The following RARS1 variants were observed in gnomAD, a reference collection of about 807,000 sequenced individuals.
RARS1 encodes the protein arginine--tRNA ligase, cytoplasmic.
Under a neutral mutation model 78.7 loss-of-function variants are expected in RARS1, and 75 were observed. The observed-to-expected ratio is 0.95, with a 90% CI of 0.79 to 1.15. The LOEUF is 1.15. Ranked by LOEUF, RARS1 falls within the 50% of genes most tolerant of loss-of-function variation. The probability of loss-of-function intolerance (pLI) is 0.00; values close to 1 mark genes in which losing one functional copy is unlikely to be tolerated. For synonymous variants in RARS1, 273 were observed against 268.2 expected, an observed-to-expected ratio of 1.02 and a Z score of -0.18; for missense variants, 787 against 787.5, an observed-to-expected ratio of 1.00 and a Z score of 0.01.
At chr5:168,518,095 T>TTTTTTTG in intron 14 of RARS1, 33 bp downstream of exon 14, 1 of 1,338,142 alleles carries the variant, frequency 7.5e-7, no homozygotes, top group Non-Finnish European at 9.8e-7. Flanking sequence ...TTTTTTTTTT[T>TTTTTTTG]AGTGAGAGAC....
intron 11 of RARS1, among the ~76,000 whole-genome samples, chr5:168,508,798 T>C (rs1465742505): frequency 3.9e-5 from 6 of 152,174 alleles, no homozygotes; most frequent in African/African-American, 1.2e-4. Flanking sequence ...CATCTGTTTA[T>C]TGAGGATGTG....
intron 7 of RARS1, among the ~76,000 whole-genome samples, chr5:168,497,591 T>TA (rs1232224864): frequency 6.6e-6 from 1 of 152,160 alleles, no homozygotes; most frequent in Non-Finnish European, 1.5e-5. Context: ...AGCATGGCGC[T>TA]AGCATCTGCT....
At chr5:168,510,546 T>C in intron 11 of RARS1, 35 bp from the exon 12 acceptor site, 1 of 1,498,694 alleles carries the variant, frequency 6.7e-7, no homozygotes, top group Non-Finnish European at 9.1e-7. Flanking sequence ...GAAAAGTCTG[T>C]TTCAAAATCT....
chr5:168,517,679 A>G, intron 13 of RARS1, 136 bp from the exon 14 acceptor site: 2 of 1,236,672 alleles, frequency 1.6e-6, no homozygotes, highest in Non-Finnish European at 2.2e-6. Context: ...GTTTTGCCTA[A>G]TAGTATATCG....
intron 12 of RARS1, among the ~76,000 whole-genome samples, chr5:168,512,066 T>C (rs2152906069): frequency 6.6e-6 from 1 of 152,196 alleles, no homozygotes; most frequent in Non-Finnish European, 1.5e-5. Context: ...AGTTTTGCCA[T>C]GTTGGAACTC....
Position 168,497,297 on chromosome 5 carries a change from A to G in RARS1, c.771A>G (p.Pro257=). 6.3e-7 allele frequency: 1 copy of G among 1,593,162 alleles called. No individual in the cohort carries two copies. The highest frequency in any genetic ancestry group is 8.6e-7 in the Non-Finnish European group (1 of 1,168,722). The change falls in exon 7 of 15, where the codon CCA becomes CCG. Residue 257 remains proline, a synonymous_variant. Transcript: ENST00000231572. The part of the protein sequence containing the change: ...MLIAHLQDKF[P]DYLTVSPPIG... Reference sequence around the variant, plus strand: ...TCGCTCACCTGCAAGACAAATTTCCAGATTATCTAACAGTTTCACCTCCTA... The same window carrying G: ...TCGCTCACCTGCAAGACAAATTTCCGGATTATCTAACAGTTTCACCTCCTA...
intron 12 of RARS1, among the ~76,000 whole-genome samples, chr5:168,516,203 A>T (rs1427615833): frequency 6.6e-6 from 1 of 152,094 alleles, no homozygotes; most frequent in Non-Finnish European, 1.5e-5. Context: ...CCAGCTTTTA[A>T]ATAGTTGCTT....
rs576044513 is a variant in RARS1 at position 168,502,244 on chromosome 5, C to G, written c.1057+139C>G. ...TGGGTACTGACCAACCTTATTGTAT[C>G]TATACCTTCTTACACTGCTTCCCTC... is the stretch of plus-strand genomic sequence containing the variant. On this transcript the variant is annotated intron_variant, in intron 9 of 14. Transcript: ENST00000231572. 13 of 1,238,722 alleles carry G rather than the reference C, an allele frequency of 1.0e-5. No homozygotes were observed. In the East Asian group the frequency reaches 3.9e-4, roughly 38 times the overall value. The allele number at this position is 1,238,722 out of a possible 1,614,324, so 76.7% of individuals were successfully genotyped here.
At position 168,516,820 on chromosome 5, in the gene RARS1, G is replaced by A. The variant is rs773790193; in HGVS notation, c.1495G>A (p.Ala499Thr). The A allele has an allele frequency of 6.2e-7, 1 of 1,614,114 alleles. No individual in the cohort carries two copies. Among genetic ancestry groups the A allele is most frequent in the Non-Finnish European group, 8.5e-7 (1 of 1,180,022 alleles). The change falls in exon 13 of 15, where the codon GCG (alanine) becomes ACG (threonine). Residue 499 changes from alanine (A) to threonine (T), a missense_variant. By Grantham distance (58) the Ala-to-Thr change is moderately conservative. Transcript: ENST00000231572. ...ATTGAATGCTGCTCAGACATCCGTT[G>A]CGTATGGCTGCATCAAATATGCTGA... ...EELNAAQTSV[A>T]YGCIKYADLS...
At chr5:168,492,599 C>T in intron 2 of RARS1, 60 bp from the exon 3 acceptor site, 1 of 1,350,636 alleles carries the variant, frequency 7.4e-7, no homozygotes. Context: ...TATTTGGAGA[C>T]ATCTTGTATG....
chr5:168,508,544 C>T (rs935963239), intron 11 of RARS1, among the ~76,000 whole-genome samples: 13 of 140,022 alleles, frequency 9.3e-5, no homozygotes, highest in East Asian at 6.5e-4. Context: ...GGTGTAAACC[C>T]GGGAGGCGGA....
At chr5:168,510,497 C>A in intron 11 of RARS1, 84 bp from the exon 12 acceptor site, 1 of 964,816 alleles carries the variant, frequency 1.0e-6, no homozygotes, top group South Asian at 1.5e-5. Flanking sequence ...GTTTTGTGGT[C>A]AGGTCTCTCA....
chr5:168,518,074 T>TTTTTTTTTTTTTA lies in RARS1; in HGVS notation c.1873+24_1873+25insATTTTTTTTTTTT. On this transcript the variant is annotated intron_variant, in intron 14 of 14. Transcript: ENST00000231572. Reference sequence around the variant, plus strand: ...AGATAGACAGACTGGTGAGTGTCTTTTTTTTTTTTTTTTTTTTTTTTAGTG... The same window carrying TTTTTTTTTTTTTA: ...AGATAGACAGACTGGTGAGTGTCTTTTTTTTTTTTTTTATTTTTTTTTTTTTTTTTTTTTAGTG... 1.3e-6 allele frequency: 1 copy of TTTTTTTTTTTTTA among 768,944 alleles called. No homozygotes were observed. The highest frequency in any genetic ancestry group is 1.7e-6 in the Non-Finnish European group (1 of 573,358). 47.6% of individuals were successfully genotyped at this position (768,944 alleles called of 1,614,324 possible). A position where few individuals can be genotyped will look rare whatever the true frequency, so the allele number is the denominator to read the frequency against.
intron 12 of RARS1, 138 bp from the exon 13 acceptor site, chr5:168,516,640 C>T: frequency 1.3e-6 from 1 of 753,868 alleles, no homozygotes; most frequent in Non-Finnish European, 2.1e-6. Flanking sequence ...GTCCTTCTGC[C>T]TCAGTGTCAG....
At chr5:168,509,689 C>T (rs1758528654) in intron 11 of RARS1, among the ~76,000 whole-genome samples, 1 of 150,446 alleles carries the variant, frequency 6.6e-6, no homozygotes, top group Non-Finnish European at 1.5e-5. Flanking sequence ...AAGGAACTGG[C>T]CCAGGTGCAG....
At chr5:168,493,742 TTAATC>T in intron 3 of RARS1, 147 bp from the exon 4 acceptor site, 1 of 613,286 alleles carries the variant, frequency 1.6e-6, no homozygotes, top group Non-Finnish European at 2.9e-6. Context: ...TATTGATACT[TTAATC>T]TGTCATTCAT....
At chr5:168,509,312 G>A (rs1187446392) in intron 11 of RARS1, among the ~76,000 whole-genome samples, 5 of 152,028 alleles carry the variant, frequency 3.3e-5, no homozygotes, top group Non-Finnish European at 1.5e-5. Context: ...AATTTTACAG[G>A]GCAAGTAGAT....
At chr5:168,507,346 T>A (rs1486412329) in intron 11 of RARS1, among the ~76,000 whole-genome samples, 1 of 152,222 alleles carries the variant, frequency 6.6e-6, no homozygotes, top group Non-Finnish European at 1.5e-5. Context: ...TTCTAATTTT[T>A]TTATATTCTC....
rs1186717864 is a variant in RARS1 at position 168,516,732 on chromosome 5, AGC to A, written c.1453-45_1453-44del. The A allele has an allele frequency of 5.0e-6, 8 of 1,590,462 alleles. No individual in the cohort carries two copies. The African/African-American group carries it at 1.1e-4, about 21-fold the overall frequency. The stretch of plus-strand genomic sequence containing the variant: ...TATGCCTATGAGACACCAGGGCAGA[AGC>A]AGCAGTCAGTAAGCTATGAAATACT... On this transcript the variant is annotated intron_variant, in intron 12 of 14. Transcript: ENST00000231572.
Sources: allele counts gnomAD v4.1 joint callset (sites outside exome capture counted in the v4.1 genomes callset), GRCh38; gene constraint gnomAD v4.1.1; transcripts MANE v1.5; gene names NCBI Gene and HGNC (gene_info 2026-07-23, HGNC 2026-07-21).